Variants in DBP observed in about 807,000 individuals in gnomAD.
The protein encoded by DBP is D site-binding protein.
DBP carries 12 observed loss-of-function variants against 21.4 expected under a neutral mutation model. The observed-to-expected ratio is 0.56, with a 90% CI of 0.36 to 0.91. The LOEUF (loss-of-function observed/expected upper bound fraction) is 0.91. Ranked by LOEUF, DBP falls within the 40% of genes least tolerant of loss-of-function variation. The pLI, the probability that DBP is intolerant of heterozygous loss-of-function variation, is 0.01. For synonymous variants in DBP, 213 were observed against 224.9 expected, an observed-to-expected ratio of 0.95 and a Z score of 0.47; for missense variants, 423 against 473.4, an observed-to-expected ratio of 0.89 and a Z score of 0.99.
rs1000184091 is a variant in DBP at position 48,635,832 on chromosome 19, A to G, written c.298T>C (p.Leu100=). The G allele has an allele frequency of 4.2e-6, 6 of 1,422,994 alleles. No homozygotes were observed. The African/African-American group carries it at 7.5e-5, about 18-fold the overall frequency. The allele number at this position is 1,422,994 out of a possible 1,614,324, so 88.1% of individuals were successfully genotyped here. The change falls in exon 2 of 4, where the codon TTG becomes CTG. Residue 100 remains leucine, a synonymous_variant. Transcript: ENST00000222122. ...RPGPVPAPGL[L]APLLWERTLP... The stretch of plus-strand genomic sequence containing the variant: ...GTGCGCTCCCACAGCAGTGGCGCCA[A>G]CAGACCCGGGGCGGGCACCGGCCCC...
intron 3 of DBP, chr19:48,632,653 G>A (rs1186895926): frequency 2.0e-5 from 3 of 152,280 alleles, no homozygotes; most frequent in Non-Finnish European, 4.4e-5. Flanking sequence ...ATGCAAAGAT[G>A]CAATGACTGC....
At position 48,630,713 on chromosome 19, in the gene DBP, C is replaced by A; in HGVS notation, c.*124G>T. 7.1e-7 allele frequency: 1 copy of A among 1,406,204 alleles called. No individual in the cohort carries two copies. Among genetic ancestry groups the A allele is most frequent in the African/African-American group, 1.4e-5 (1 of 69,236 alleles). 87.1% of individuals were successfully genotyped at this position (1,406,204 alleles called of 1,614,324 possible). ...TTCTTAAAAATATAAATGTATTTATCTGCATTATCACGTCCCTGGGGCACC... is the reference window on the plus strand; with the variant it reads ...TTCTTAAAAATATAAATGTATTTATATGCATTATCACGTCCCTGGGGCACC... On this transcript the variant is annotated 3_prime_UTR_variant, in exon 4 of 4. Transcript: ENST00000222122. The surrounding 1 kb of genome is among the most constrained non-coding windows in gnomAD (Gnocchi z 4.9).
Position 48,635,900 on chromosome 19 carries a change from G to T in DBP, c.230C>A (p.Pro77Gln), listed in dbSNP as rs780706474. 7.0e-7 allele frequency: 1 copy of T among 1,422,124 alleles called. No homozygotes were observed. Among genetic ancestry groups the T allele is most frequent in the African/African-American group, 1.5e-5 (1 of 66,536 alleles). 88.1% of individuals were successfully genotyped at this position (1,422,124 alleles called of 1,614,324 possible). Residue 77 changes from proline to glutamine, a missense_variant, in exon 2 of 4, where the codon CCG (proline) becomes CAG (glutamine). Pro to Gln is a moderately conservative substitution (Grantham distance 76). Transcript: ENST00000222122. Reference sequence around the variant, plus strand: ...CCCTCCGCCCACCACTGCCCCAGCCGGGGCATCCGCCGGGCCCGCAGTCTC... The same window carrying T: ...CCCTCCGCCCACCACTGCCCCAGCCTGGGCATCCGCCGGGCCCGCAGTCTC... ...GLETAGPADA[P>Q]AGAVVGGGSP...
At position 48,630,101 on chromosome 19, in the gene DBP, T is replaced by C. The variant is rs895603742; in HGVS notation, c.*736A>G. 7.9e-7 allele frequency: 1 copy of C among 1,264,966 alleles called. No individual in the cohort carries two copies. Among genetic ancestry groups the C allele is most frequent in the Non-Finnish European group, 1.0e-6 (1 of 1,004,082 alleles). The allele number at this position is 1,264,966 out of a possible 1,614,324, so 78.4% of individuals were successfully genotyped here. A position where few individuals can be genotyped will look rare whatever the true frequency, so the allele number is the denominator to read the frequency against. ...GGCCAGGATGGCTGAGGGCGGAGTC[T>C]ATTTTACGCGTCGCCCAATGACAGG... is the stretch of plus-strand genomic sequence containing the variant. On this transcript the variant is annotated 3_prime_UTR_variant, in exon 4 of 4. Transcript: ENST00000222122. This position sits in a 1 kb window ranked among gnomAD's most constrained non-coding sequence, Gnocchi z 4.9.
At position 48,630,168 on chromosome 19, in the gene DBP, C is replaced by T. The variant is rs975478818; in HGVS notation, c.*669G>A. On this transcript the variant is annotated 3_prime_UTR_variant, in exon 4 of 4. Transcript: ENST00000222122. The surrounding 1 kb of genome is among the most constrained non-coding windows in gnomAD (Gnocchi z 4.9). Reference sequence around the variant, plus strand: ...CTGGGGTAGGCCTCAGTGAGTCGGCCGGTCAGGGCCCGCAGCCTCGCCCCA... The same window carrying T: ...CTGGGGTAGGCCTCAGTGAGTCGGCTGGTCAGGGCCCGCAGCCTCGCCCCA... 79 of 1,238,282 alleles carry T rather than the reference C, an allele frequency of 6.4e-5. No individual in the cohort carries two copies. Among genetic ancestry groups the T allele is most frequent in the Non-Finnish European group, 7.6e-5 (75 of 988,650 alleles). The allele number at this position is 1,238,282 out of a possible 1,614,324, so 76.7% of individuals were successfully genotyped here. A position where few individuals can be genotyped will look rare whatever the true frequency, so the allele number is the denominator to read the frequency against.
chr19:48,632,284 G>C (rs904928835), intron 3 of DBP: 2 of 152,058 alleles, frequency 1.3e-5, no homozygotes, highest in African/African-American at 4.8e-5. Flanking sequence ...CTACAGATGA[G>C]TGCCACCATG....
rs776172061 is a variant in DBP at position 48,633,290 on chromosome 19, C to A, written c.762+154G>T. 4 of 792,350 alleles carry A rather than the reference C, an allele frequency of 5.0e-6. No individual in the cohort carries two copies. The South Asian group carries it at 6.0e-5, about 12-fold the overall frequency. 49.1% of individuals were successfully genotyped at this position (792,350 alleles called of 1,614,324 possible). The stretch of plus-strand genomic sequence containing the variant: ...CTCAGGCCCCTGCCCCCTTGTGCCC[C>A]GTGGCCAAGGAGGACTAATCTGTGG... On this transcript the variant is annotated intron_variant, in intron 3 of 3. Coordinates refer to ENST00000222122, the MANE Select transcript of DBP (RefSeq NM_001352.5).
intron 3 of DBP, chr19:48,632,990 C>T (rs1048533146): frequency 2.7e-5 from 7 of 261,904 alleles, no homozygotes; most frequent in Non-Finnish European, 5.2e-5. Context: ...CAGCACCCCA[C>T]AGTGACACTG....
intron 2 of DBP, chr19:48,634,761 G>C: frequency 2.0e-6 from 2 of 985,584 alleles, no homozygotes; most frequent in Non-Finnish European, 2.4e-6. Flanking sequence ...GTCGGACCTG[G>C]AGCAGGTGTG....
chr19:48,633,383 C>T (rs1318326144), intron 3 of DBP, 61 bp downstream of exon 3: 1 of 1,533,198 alleles, frequency 6.5e-7, no homozygotes, highest in Non-Finnish European at 9.0e-7. Flanking sequence ...AGAAAAGGCC[C>T]CTCCCTGGCT....
intron 1 of DBP, 57 bp downstream of exon 1, chr19:48,636,799 C>T: frequency 1.9e-6 from 3 of 1,586,432 alleles, no homozygotes; most frequent in Non-Finnish European, 2.6e-6. Flanking sequence ...CCCACGGCAC[C>T]TGAGTCCCTA....
Position 48,630,475 on chromosome 19 carries a change from G to T in DBP, c.*362C>A, listed in dbSNP as rs1461454041. On this transcript the variant is annotated 3_prime_UTR_variant, in exon 4 of 4. Coordinates refer to ENST00000222122, the MANE Select transcript of DBP (RefSeq NM_001352.5). The surrounding 1 kb of genome is among the most constrained non-coding windows in gnomAD (Gnocchi z 4.9). ...GACTCCAGCACTTCCAGCAGCGCCTGCCCTCTATGGACGACAGCCCGGAGC... is the reference window on the plus strand; with the variant it reads ...GACTCCAGCACTTCCAGCAGCGCCTTCCCTCTATGGACGACAGCCCGGAGC... The T allele has an allele frequency of 6.7e-7, 1 of 1,495,978 alleles. No homozygotes were observed. Among genetic ancestry groups the T allele is most frequent in the East Asian group, 2.5e-5 (1 of 40,336 alleles). 92.7% of individuals were successfully genotyped at this position (1,495,978 alleles called of 1,614,324 possible). A position where few individuals can be genotyped will look rare whatever the true frequency, so the allele number is the denominator to read the frequency against.
chr19:48,635,624 G>A lies in DBP; in HGVS notation c.506C>T (p.Ala169Val). The A allele has an allele frequency of 1.5e-6, 2 of 1,342,240 alleles. No homozygotes were observed. Among genetic ancestry groups the A allele is most frequent in the Non-Finnish European group, 1.9e-6 (2 of 1,056,236 alleles). 83.1% of individuals were successfully genotyped at this position (1,342,240 alleles called of 1,614,324 possible). A position where few individuals can be genotyped will look rare whatever the true frequency, so the allele number is the denominator to read the frequency against. Residue 169 changes from alanine (A) to valine (V), a missense_variant, in exon 2 of 4, where the codon GCC becomes GTC. Ala to Val is a moderately conservative substitution (Grantham distance 64, BLOSUM62 0). Around this residue, in one of 4 missense-constraint regions of DBP, gnomAD observed 283 missense variants for 273.7 expected, o/e 1.03. Coordinates refer to ENST00000222122, the MANE Select transcript of DBP (RefSeq NM_001352.5). ...GGTCCCGAGGGCAGCCCGGGCGGGG[G>A]CGTGCCCAGGAGAGGAGCGGGGGGA... ...SASPRSSPGH[A>V]PARAALGTAS...
At chr19:48,636,779 G>T in intron 1 of DBP, 77 bp downstream of exon 1, 1 of 1,532,458 alleles carries the variant, frequency 6.5e-7, no homozygotes. Context: ...AGGTTTCTAT[G>T]GGACCCCACC....
chr19:48,633,372 G>A (rs780196509), intron 3 of DBP, 72 bp downstream of exon 3: 4 of 1,479,580 alleles, frequency 2.7e-6, no homozygotes, highest in Non-Finnish European at 3.8e-6. Flanking sequence ...GCTTGACTGT[G>A]AGAAAAGGCC....
chr19:48,637,080 A>G lies in DBP; in HGVS notation c.-86T>C, dbSNP rs1601183655. 5 of 1,276,260 alleles carry G rather than the reference A, an allele frequency of 3.9e-6. No individual in the cohort carries two copies. The East Asian group carries it at 1.4e-4, about 35-fold the overall frequency. 79.1% of individuals were successfully genotyped at this position (1,276,260 alleles called of 1,614,324 possible). On this transcript the variant is annotated 5_prime_UTR_variant, in exon 1 of 4. Transcript: ENST00000222122. ...TCACCAGCACACTCCAGTGGTTTGGACGAGTGTCTGCCCAGGGGCGGGCGA... is the reference window on the plus strand; with the variant it reads ...TCACCAGCACACTCCAGTGGTTTGGGCGAGTGTCTGCCCAGGGGCGGGCGA...
rs866586525 is a variant in DBP, at chr19:48,637,259, T to C, written c.-265A>G. 42 of 385,266 alleles carry C rather than the reference T, an allele frequency of 1.1e-4. No homozygotes were observed. In the Middle Eastern group the frequency reaches 5.3e-3, roughly 49 times the overall value. 23.9% of individuals were successfully genotyped at this position (385,266 alleles called of 1,614,324 possible). ...TGTCCAGATCAAGCGGTCGGCTCTT[T>C]GCAACCGAGGGTGAGAGGGGACTCA... On this transcript the variant is annotated 5_prime_UTR_variant, in exon 1 of 4. Transcript: ENST00000222122.
chr19:48,630,596 C>T lies in DBP; in HGVS notation c.*241G>A, dbSNP rs571855288. Reference sequence around the variant, plus strand: ...CAAGATTTATTCAGGATCGTGTTAACGGAGGCGGTGGGAGGATAGGGTCCC... The same window carrying T: ...CAAGATTTATTCAGGATCGTGTTAATGGAGGCGGTGGGAGGATAGGGTCCC... On this transcript the variant is annotated 3_prime_UTR_variant, in exon 4 of 4. Coordinates refer to ENST00000222122, the MANE Select transcript of DBP (RefSeq NM_001352.5). This position sits in a 1 kb window ranked among gnomAD's most constrained non-coding sequence, Gnocchi z 4.9. 7.2e-6 allele frequency: 11 copies of T among 1,530,918 alleles called. No homozygotes were observed. In the African/African-American group the frequency reaches 1.5e-4, roughly 21 times the overall value. 94.8% of individuals were successfully genotyped at this position (1,530,918 alleles called of 1,614,324 possible). A position where few individuals can be genotyped will look rare whatever the true frequency, so the allele number is the denominator to read the frequency against.
rs200918234 is a variant in DBP, at chr19:48,633,615, G to A, written c.591C>T (p.Asp197=). Residue 197 remains aspartate, a synonymous_variant, in exon 3 of 4, where the codon GAC becomes GAT. Transcript: ENST00000222122. The stretch of plus-strand genomic sequence containing the variant: ...CAAAGGTCATCAACACCTCCACGGT[G>A]TCTGGGTCCACAGGGCTGGGTGTGT... ...SRDTPSPVDP[D]TVEVLMTFEP... 3 of 1,614,188 alleles carry A rather than the reference G, an allele frequency of 1.9e-6. No homozygotes were observed. The highest frequency in any genetic ancestry group is 2.5e-6 in the Non-Finnish European group (3 of 1,180,038).
Sources: allele counts gnomAD v4.1 joint callset, GRCh38; gene constraint gnomAD v4.1.1; regional missense constraint gnomAD v4.1.1; non-coding constraint Gnocchi (gnomAD v3.1); transcripts MANE v1.5; gene names NCBI Gene and HGNC (gene_info 2026-07-23, HGNC 2026-07-21).